Variants in CLCA4 observed in about 807,000 individuals in gnomAD.
The protein encoded by CLCA4 is calcium-activated chloride channel regulator 4.
Under a neutral mutation model 78.9 loss-of-function variants are expected in CLCA4, and 69 were observed. The ratio of observed to expected loss-of-function variants is 0.87; its 90% CI spans 0.72 to 1.07. The LOEUF is 1.07. CLCA4 is among the 50% of genes least tolerant of loss of function. The probability of loss-of-function intolerance (pLI) is 0.00; values close to 1 mark genes in which losing one functional copy is unlikely to be tolerated. For missense variants in CLCA4, 1,133 were observed against 1,095.8 expected, an observed-to-expected ratio of 1.03 and a Z score of -0.48; for synonymous variants, 362 against 375.8, an observed-to-expected ratio of 0.96 and a Z score of 0.42.
At chr1:86,571,746 G>A (rs1434774848) in intron 8 of CLCA4, among the ~76,000 whole-genome samples, 1 of 152,008 alleles carries the variant, frequency 6.6e-6, no homozygotes, top group Non-Finnish European at 1.5e-5. Flanking sequence ...GGGTGTATGT[G>A]ATTAACAGAA....
chr1:86,564,345 CT>C (rs1650110274), intron 4 of CLCA4, among the ~76,000 whole-genome samples: 1 of 152,166 alleles, frequency 6.6e-6, no homozygotes, highest in East Asian at 1.9e-4. Context: ...GGACTTGACA[CT>C]AATGTGAGAA....
chr1:86,560,711 G>C (rs564542716), intron 3 of CLCA4, among the ~76,000 whole-genome samples: 1 of 152,228 alleles, frequency 6.6e-6, no homozygotes, highest in Non-Finnish European at 1.5e-5. Flanking sequence ...CTCCATAGCT[G>C]GATATTAACA....
At chr1:86,576,005 T>G (rs952159383) in intron 11 of CLCA4, among the ~76,000 whole-genome samples, 2 of 151,888 alleles carry the variant, frequency 1.3e-5, no homozygotes, top group African/African-American at 4.8e-5. Context: ...GGACAGAGGA[T>G]CACTTGAACC....
intron 6 of CLCA4, among the ~76,000 whole-genome samples, chr1:86,566,501 G>T (rs1288445813): frequency 6.6e-6 from 1 of 152,072 alleles, no homozygotes; most frequent in Admixed American, 6.6e-5. Context: ...GGTGCAATGT[G>T]ATAAGAAACC....
intron 1 of CLCA4, among the ~76,000 whole-genome samples, chr1:86,548,854 T>A (rs1649574622): frequency 6.6e-6 from 1 of 151,718 alleles, no homozygotes; most frequent in Non-Finnish European, 1.5e-5. Flanking sequence ...GAGATGAAGG[T>A]TTTAGACAGG....
chr1:86,549,702 A>G (rs1649603175), intron 1 of CLCA4, among the ~76,000 whole-genome samples: 1 of 152,178 alleles, frequency 6.6e-6, no homozygotes, highest in Non-Finnish European at 1.5e-5. Context: ...ATATAATAAG[A>G]GTCAAGGAAG....
At chr1:86,547,835 T>G (rs577591047) in intron 1 of CLCA4, among the ~76,000 whole-genome samples, 12 of 152,336 alleles carry the variant, frequency 7.9e-5, no homozygotes, top group Middle Eastern at 6.8e-3. Context: ...TCATTTGTGT[T>G]TATATACCAC....
chr1:86,551,053 A>G lies in CLCA4; in HGVS notation c.159+3775A>G, dbSNP rs539185335. Among the ~76,000 whole-genome samples, 238 of 151,784 alleles carry G rather than the reference A, an allele frequency of 1.6e-3. 1 individual carries two copies. The Middle Eastern group carries it at 0.034, about 22-fold the overall frequency. The stretch of plus-strand genomic sequence containing the variant: ...TCACCGTGTTAGCCAGGATGGTCTC[A>G]ATCTCCTGACCTCGTGATCCGCCCG... On this transcript the variant is annotated intron_variant, in intron 1 of 13. Coordinates refer to ENST00000370563, the MANE Select transcript of CLCA4 (RefSeq NM_012128.4).
rs201040584 is a variant in CLCA4, at chr1:86,580,363, A to G, written c.*18A>G. ...CCATTTGAACCTTAACGAAGAAAAA[A>G]ATCTTCAAGTAGACCTAGAAGAGAG... On this transcript the variant is annotated 3_prime_UTR_variant, in exon 14 of 14. Transcript: ENST00000370563. The G allele has an allele frequency of 2.6e-6, 4 of 1,540,474 alleles. No individual in the cohort carries two copies. Among genetic ancestry groups the G allele is most frequent in the African/African-American group, 1.4e-5 (1 of 72,414 alleles).
intron 1 of CLCA4, chr1:86,552,663 G>C: frequency 2.3e-6 from 2 of 877,076 alleles, no homozygotes; most frequent in South Asian, 1.4e-5. Flanking sequence ...AGCTCGCCCA[G>C]ATCGGACTTG....
At chr1:86,553,121 G>A in intron 1 of CLCA4, 1 of 791,274 alleles carries the variant, frequency 1.3e-6, no homozygotes, top group Non-Finnish European at 2.2e-6. Flanking sequence ...ATCCCATCCT[G>A]CGTCATCTCC....
intron 7 of CLCA4, among the ~76,000 whole-genome samples, chr1:86,569,103 A>G (rs763658478): frequency 8.5e-5 from 13 of 152,082 alleles, no homozygotes; most frequent in Non-Finnish European, 1.6e-4. Context: ...GTACATGTAT[A>G]TAAGTGGGGA....
chr1:86,574,746 A>G lies in CLCA4; in HGVS notation c.1674A>G (p.Gly558=), dbSNP rs777040314. 1.9e-6 allele frequency: 3 copies of G among 1,611,632 alleles called. 1 individual carries two copies. The South Asian group carries it at 3.3e-5, about 18-fold the overall frequency. Reference sequence around the variant, plus strand: ...AAATGGCCTATCTCAGTATTCCAGGAACTGCAAAGGTAAGCAATCAGCTTT... The same window carrying G: ...AAATGGCCTATCTCAGTATTCCAGGGACTGCAAAGGTAAGCAATCAGCTTT... ...TSKMAYLSIP[G]TAKVGTWAYN... The change falls in exon 10 of 14, where the codon GGA becomes GGG. Residue 558 remains glycine (G), a synonymous_variant. Transcript: ENST00000370563.
chr1:86,563,524 C>A, intron 3 of CLCA4, 137 bp from the exon 4 acceptor site: 1 of 486,544 alleles, frequency 2.1e-6, no homozygotes, highest in Non-Finnish European at 3.7e-6. Flanking sequence ...CTTTTTTATA[C>A]ACTGAAATAT....
At chr1:86,567,318 A>G in intron 6 of CLCA4, 106 bp from the exon 7 acceptor site, 1 of 939,714 alleles carries the variant, frequency 1.1e-6, no homozygotes, top group East Asian at 2.6e-5. Flanking sequence ...ATCAATTACC[A>G]TTCATAGAAA....
intron 12 of CLCA4, among the ~76,000 whole-genome samples, chr1:86,578,951 G>A (rs1321915773): frequency 2.0e-5 from 3 of 152,044 alleles, no homozygotes; most frequent in Admixed American, 1.3e-4. Context: ...AATACAATCA[G>A]AAGAATTATT....
chr1:86,579,873 A>G lies in CLCA4; in HGVS notation c.2357-69A>G, dbSNP rs1009466701. The G allele has an allele frequency of 6.6e-6, 7 of 1,066,758 alleles. No individual in the cohort carries two copies. The Admixed American group carries it at 1.7e-4, about 26-fold the overall frequency. The allele number at this position is 1,066,758 out of a possible 1,614,324, so 66.1% of individuals were successfully genotyped here. A position where few individuals can be genotyped will look rare whatever the true frequency, so the allele number is the denominator to read the frequency against. ...TGCTTTGCATAACTAGACATTTTTG[A>G]GAATAAATAAAAAGGAATGAATATG... On this transcript the variant is annotated intron_variant, in intron 13 of 13. Coordinates refer to ENST00000370563, the MANE Select transcript of CLCA4 (RefSeq NM_012128.4).
rs1650641166 is a variant in CLCA4, at chr1:86,579,537, A to G, written c.2306A>G (p.Lys769Arg). 1.2e-6 allele frequency: 2 copies of G among 1,612,956 alleles called. No individual in the cohort carries two copies. The highest frequency in any genetic ancestry group is 1.7e-6 in the Non-Finnish European group (2 of 1,179,240). ...TDLDATVHED[K>R]IILTWTAPGD... ...CTTGATGCCACAGTTCATGAGGATA[A>G]GATTATTCTTACATGGACAGCACCA... Residue 769 changes from lysine (K) to arginine (R), a missense_variant, in exon 13 of 14, where the codon AAG (lysine) becomes AGG (arginine). Transcript: ENST00000370563.
chr1:86,552,795 G>A lies in CLCA4; in HGVS notation c.159+5517G>A, dbSNP rs549594482. 7 of 1,145,794 alleles carry A rather than the reference G, an allele frequency of 6.1e-6. No individual in the cohort carries two copies. The Admixed American group carries it at 8.8e-5, about 14-fold the overall frequency. 71.0% of individuals were successfully genotyped at this position (1,145,794 alleles called of 1,614,324 possible). A position where few individuals can be genotyped will look rare whatever the true frequency, so the allele number is the denominator to read the frequency against. On this transcript the variant is annotated intron_variant, in intron 1 of 13. Transcript: ENST00000370563. ...CCAGGTTGTAGTAGGGGCTGTCCAC[G>A]CCTGAAAACAGCTCTTCCATGTAGC...
Sources: allele counts gnomAD v4.1 joint callset (sites outside exome capture counted in the v4.1 genomes callset), GRCh38; gene constraint gnomAD v4.1.1; transcripts MANE v1.5; gene names NCBI Gene and HGNC (gene_info 2026-07-23, HGNC 2026-07-21).